NME4: variants seen among roughly 807,000 people sequenced by gnomAD.
NME4 encodes nucleoside diphosphate kinase D, mitochondrial.
NME4 carries 21 observed loss-of-function variants against 16.4 expected under a neutral mutation model. The observed-to-expected ratio is 1.28, with a 90% CI of 0.91 to 1.84. NME4 has a LOEUF of 1.84. Ranked by LOEUF, NME4 falls within the 40% of genes most tolerant of loss-of-function variation. The pLI is 0.00. For synonymous variants in NME4, 132 were observed against 107.5 expected (o/e 1.23, Z -1.41); for missense variants, 316 against 261.3 (o/e 1.21, Z -1.44).
At chr16:397,461 G>T (rs1370636921) in intron 1 of NME4, 148 bp downstream of exon 1, 2 of 213,682 alleles carry the variant, frequency 9.4e-6, no homozygotes, top group Non-Finnish European at 1.6e-5. Context: ...AGTTGGGGAA[G>T]GCGCCGGCTC....
rs1311248440 is a variant in NME4 at position 399,671 on chromosome 16, T to C, written c.372T>C (p.Ile124=). 4 of 1,613,164 alleles carry C rather than the reference T, an allele frequency of 2.5e-6. No homozygotes were observed. Among genetic ancestry groups the C allele is most frequent in the Non-Finnish European group, 3.4e-6 (4 of 1,179,932 alleles). ...YNVVRASRAM[I]GHTDSAEAAP... is the part of the protein sequence containing the mutation. ...TCGTCCGCGCCTCGAGGGCCATGAT[T>C]GGACACACCGACTCGGCTGAGGCTG... Residue 124 remains isoleucine, a synonymous_variant, in exon 4 of 5, where the codon ATT becomes ATC. Coordinates refer to ENST00000219479, the MANE Select transcript of NME4 (RefSeq NM_005009.3).
intron 1 of NME4, chr16:398,474 C>A (rs74000571): frequency 2.8e-6 from 3 of 1,080,340 alleles, no homozygotes; most frequent in East Asian, 6.1e-5. Flanking sequence ...TGTGGAAAGT[C>A]GGGGCTTCAG....
intron 1 of NME4, chr16:397,930 C>A: frequency 6.5e-7 from 1 of 1,550,162 alleles, no homozygotes; most frequent in Non-Finnish European, 8.7e-7. Context: ...ATGCCCGCAC[C>A]AGCCGCAGCA....
Position 399,118 on chromosome 16 carries a change from C to G in NME4, c.220C>G (p.Leu74Val), listed in dbSNP as rs2054606289. The G allele has an allele frequency of 6.3e-7, 1 of 1,594,338 alleles. No individual in the cohort carries two copies. The highest frequency in any genetic ancestry group is 1.7e-5 in the Admixed American group (1 of 59,452). ...RGFTLVGMKM[L>V]QAPESVLAEH... ...CTTCACGCTGGTGGGGATGAAGATG[C>G]TGCAGGTAGTGGGACTCTGGGCTTG... Residue 74 changes from leucine to valine, a missense_variant, in exon 2 of 5, where the codon CTG (leucine) becomes GTG (valine). Physicochemically the swap from Leu to Val is conservative, Grantham distance 32. Transcript: ENST00000219479.
Position 398,897 on chromosome 16 carries a change from GC to G in NME4, c.92-91del, listed in dbSNP as rs2054601580. 4 of 1,549,154 alleles carry G rather than the reference GC, an allele frequency of 2.6e-6. No individual in the cohort carries two copies. The African/African-American group carries it at 4.1e-5, about 16-fold the overall frequency. On this transcript the variant is annotated intron_variant, in intron 1 of 4. Coordinates refer to ENST00000219479, the MANE Select transcript of NME4 (RefSeq NM_005009.3). ...CCTGCATAGAGGCAGACACCCTGAA[GC>G]CTGGTGACCCCTGGGCTCTGGCTGG...
At position 400,259 on chromosome 16, in the gene NME4, C is replaced by T. The variant is rs112762651; in HGVS notation, c.481C>T (p.Arg161Trp). 737 of 1,603,858 alleles carry T rather than the reference C, an allele frequency of 4.6e-4. 3 individuals are homozygous for T. Among genetic ancestry groups the T allele is most frequent in the Admixed American group, 9.1e-4 (54 of 59,510 alleles). The change falls in exon 5 of 5, where the codon CGG (arginine) becomes TGG (tryptophan). Residue 161 changes from arginine (R) to tryptophan (W), a missense_variant. Arg to Trp is a moderately radical substitution (Grantham distance 101, BLOSUM62 -3). Transcript: ENST00000219479. Reference sequence around the variant, plus strand: ...CAGCGACTCCGTGGAGGGGGCCCAGCGGGAGATCCAGCTGTGGTTCCAGAG... The same window carrying T: ...CAGCGACTCCGTGGAGGGGGCCCAGTGGGAGATCCAGCTGTGGTTCCAGAG... ...HASDSVEGAQ[R>W]EIQLWFQSSE... is the part of the protein sequence containing the mutation.
chr16:400,057 C>T (rs544303230), intron 4 of NME4, 162 bp from the exon 5 acceptor site: 1 of 1,114,850 alleles, frequency 9.0e-7, no homozygotes, highest in East Asian at 2.4e-5. Flanking sequence ...AGGCCGAGGC[C>T]AGGCTGGAAC....
chr16:399,587 G>C, intron 3 of NME4, 40 bp from the exon 4 acceptor site: 1 of 1,603,150 alleles, frequency 6.2e-7, no homozygotes. Context: ...GGGGCCCTTG[G>C]TGTTCCCCAC....
intron 4 of NME4, 82 bp downstream of exon 4, chr16:399,821 G>A: frequency 3.4e-6 from 4 of 1,185,188 alleles, no homozygotes; most frequent in Non-Finnish European, 5.0e-6. Flanking sequence ...CACGAGACCT[G>A]GCTGTCTTGC....
chr16:397,767 G>C lies in NME4; in HGVS notation c.91+454G>C, dbSNP rs112304484. ...GGGGAGCCGCTCCGCTGGGGCGTTC[G>C]CTGAAGGCCAAGTTAGGCCAGAATC... On this transcript the variant is annotated intron_variant, in intron 1 of 4. Transcript: ENST00000219479. 12,810 of 1,439,256 alleles carry C rather than the reference G, an allele frequency of 8.9e-3. 110 individuals carry two copies. Among genetic ancestry groups the C allele is most frequent in the African/African-American group, 0.027 (1,548 of 57,280 alleles). The allele number at this position is 1,439,256 out of a possible 1,614,324, so 89.2% of individuals were successfully genotyped here. A position where few individuals can be genotyped will look rare whatever the true frequency, so the allele number is the denominator to read the frequency against.
At position 399,400 on chromosome 16, in the gene NME4, G is replaced by A. The variant is rs998087751; in HGVS notation, c.247G>A (p.Glu83Lys). ...MLQAPESVLA[E>K]HYQDLRRKPF... Reference sequence around the variant, plus strand: ...CCAGGCACCAGAGAGCGTCCTTGCCGAGCACTACCAGGACCTGCGGAGGAA... The same window carrying A: ...CCAGGCACCAGAGAGCGTCCTTGCCAAGCACTACCAGGACCTGCGGAGGAA... The change falls in exon 3 of 5, where the codon GAG (glutamate) becomes AAG (lysine). Residue 83 changes from glutamate (E) to lysine (K), a missense_variant. By Grantham distance (56) the Glu-to-Lys change is moderately conservative. Coordinates refer to ENST00000219479, the MANE Select transcript of NME4 (RefSeq NM_005009.3). 8.1e-6 allele frequency: 13 copies of A among 1,612,822 alleles called. No homozygotes were observed. Among genetic ancestry groups the A allele is most frequent in the South Asian group, 3.3e-5 (3 of 91,072 alleles).
chr16:400,399 C>G lies in NME4; in HGVS notation c.*57C>G, dbSNP rs2054638451. ...ACGCAGGACCAACTACCTCCGTCAG[C>G]AAGAACCCAAGCCCACATCCAAACC... On this transcript the variant is annotated 3_prime_UTR_variant, in exon 5 of 5. Coordinates refer to ENST00000219479, the MANE Select transcript of NME4 (RefSeq NM_005009.3). The G allele has an allele frequency of 1.2e-5, 19 of 1,565,268 alleles. No homozygotes were observed. Among genetic ancestry groups the G allele is most frequent in the Non-Finnish European group, 1.5e-5 (18 of 1,167,594 alleles).
intron 4 of NME4, among the ~76,000 whole-genome samples, 187 bp downstream of exon 4, chr16:399,926 G>C (rs761609275): frequency 6.6e-6 from 1 of 152,170 alleles, no homozygotes; most frequent in African/African-American, 2.4e-5. Context: ...TTCCCTTTGT[G>C]TTGTGTGTAC....
upstream of NME4, chr16:397,188 TC>T (rs1489683491): frequency 5.3e-6 from 5 of 940,108 alleles, no homozygotes; most frequent in Non-Finnish European, 6.4e-6. Context: ...CCGCGCCCGC[TC>T]CTCGCGCTCA....
Position 400,046 on chromosome 16 carries a change from G to A in NME4, c.441-173G>A, listed in dbSNP as rs573842564. 9 of 1,011,092 alleles carry A rather than the reference G, an allele frequency of 8.9e-6. No individual in the cohort carries two copies. The South Asian group carries it at 1.2e-4, about 14-fold the overall frequency. The allele number at this position is 1,011,092 out of a possible 1,614,324, so 62.6% of individuals were successfully genotyped here. On this transcript the variant is annotated intron_variant, in intron 4 of 4. Transcript: ENST00000219479. ...CCTGGGCGGGTCCACGAGGCTGTAA[G>A]AGGCCGAGGCCAGGCTGGAACCCGG...
chr16:398,227 C>G, intron 1 of NME4: 1 of 1,437,390 alleles, frequency 7.0e-7, no homozygotes, highest in Non-Finnish European at 9.3e-7. Context: ...CAGAGGAGGA[C>G]GGCTGGGGCG....
At position 399,481 on chromosome 16, in the gene NME4, G is replaced by C. The variant is rs993961999; in HGVS notation, c.327+1G>C. 1 of 1,612,278 alleles carries C rather than the reference G, an allele frequency of 6.2e-7. No homozygotes were observed. The highest frequency in any genetic ancestry group is 2.2e-5 in the East Asian group (1 of 44,870). On this transcript the variant is annotated splice_donor_variant, in intron 3 of 4. Transcript: ENST00000219479. LOFTEE classifies it high-confidence loss of function. ...GAGCTCTGGGCCTGTGGTGGCCATG[G>C]TACGGCAGGGCAGGGGTGGTGGAAG... is the stretch of plus-strand genomic sequence containing the variant.
intron 1 of NME4, chr16:398,348 T>G: frequency 7.8e-7 from 1 of 1,287,518 alleles, no homozygotes; most frequent in South Asian, 1.2e-5. Flanking sequence ...TCTTCAATCT[T>G]CAGGCCCCTT....
intron 1 of NME4, chr16:398,173 T>C (rs1383822188): frequency 7.3e-6 from 11 of 1,512,788 alleles, no homozygotes; most frequent in Non-Finnish European, 9.8e-6. Flanking sequence ...CCTGGGACTA[T>C]AGGAAGGTGA....
Sources: allele counts gnomAD v4.1 joint callset (sites outside exome capture counted in the v4.1 genomes callset), GRCh38; gene constraint gnomAD v4.1.1; transcripts MANE v1.5; gene names NCBI Gene and HGNC (gene_info 2026-07-23, HGNC 2026-07-21).